The following CNBD1 variants were observed in gnomAD, a reference collection of about 807,000 sequenced individuals.
The protein encoded by CNBD1 is cyclic nucleotide binding domain containing 1.
A neutral mutation model predicts 54.4 loss-of-function variants in CNBD1; 71 were observed. The ratio of observed to expected loss-of-function variants is 1.30; its 90% CI spans 1.08 to 1.59. CNBD1 has a LOEUF of 1.59. CNBD1 is among the 40% of genes most tolerant of loss of function. The pLI is 0.00. For missense variants in CNBD1, 659 were observed against 518.0 expected, an observed-to-expected ratio of 1.27 and a Z score of -2.64; for synonymous variants, 182 against 170.7, an observed-to-expected ratio of 1.07 and a Z score of -0.51.
At chr8:87,273,770 GT>G (rs955402386) in intron 6 of CNBD1, among the ~76,000 whole-genome samples, 11 of 151,348 alleles carry the variant, frequency 7.3e-5, no homozygotes, top group South Asian at 4.2e-4. Flanking sequence ...TGACAAATAA[GT>G]TTTTTTTTAA....
intron 10 of CNBD1, among the ~76,000 whole-genome samples, chr8:87,359,143 A>T (rs1810482044): frequency 6.6e-6 from 1 of 152,116 alleles, no homozygotes; most frequent in South Asian, 2.1e-4. Context: ...ACTTAATAGA[A>T]TCTCCTTTGT....
At chr8:87,099,059 AAC>A (rs1811376635) in intron 4 of CNBD1, among the ~76,000 whole-genome samples, 1 of 147,368 alleles carries the variant, frequency 6.8e-6, no homozygotes, top group Non-Finnish European at 1.5e-5. Context: ...AAAAAAAAAA[AAC>A]AAAACTCCAA....
chr8:87,346,910 A>G (rs551992482), intron 8 of CNBD1, among the ~76,000 whole-genome samples: 1 of 152,174 alleles, frequency 6.6e-6, no homozygotes, highest in South Asian at 2.1e-4. Flanking sequence ...CCCCAATATC[A>G]TGAGTGAGAA....
chr8:87,322,691 A>C (rs1809564636), intron 8 of CNBD1, among the ~76,000 whole-genome samples: 1 of 69,696 alleles, frequency 1.4e-5, no homozygotes, highest in Admixed American at 1.4e-4. Flanking sequence ...TTCATTGTAG[A>C]TTCTGGATAT....
intron 1 of CNBD1, among the ~76,000 whole-genome samples, chr8:86,872,989 G>C (rs938932380): frequency 6.6e-6 from 1 of 152,058 alleles, no homozygotes; most frequent in Admixed American, 6.5e-5. Flanking sequence ...CAGGAGGATC[G>C]CTTGAGCCCA....
At chr8:87,076,183 T>C (rs1466934872) in intron 4 of CNBD1, among the ~76,000 whole-genome samples, 21 of 151,976 alleles carry the variant, frequency 1.4e-4, no homozygotes, top group Admixed American at 1.4e-3. Flanking sequence ...ACAGAGGAGG[T>C]TGAGTGACAA....
At chr8:87,377,256 C>A (rs1231933662) in intron 10 of CNBD1, among the ~76,000 whole-genome samples, 2 of 151,090 alleles carry the variant, frequency 1.3e-5, no homozygotes, top group Non-Finnish European at 2.9e-5. Flanking sequence ...CACCCACTAA[C>A]TCATCATCTA....
intron 4 of CNBD1, among the ~76,000 whole-genome samples, chr8:87,079,194 T>C (rs1206864177): frequency 6.6e-6 from 1 of 152,154 alleles, no homozygotes; most frequent in Non-Finnish European, 1.5e-5. Flanking sequence ...AATCTGTTAC[T>C]TTTTAATAAT....
chr8:87,414,073 A>T (rs1409204193), intron 2 of CNBD1, among the ~76,000 whole-genome samples: 1 of 152,186 alleles, frequency 6.6e-6, no homozygotes, highest in Non-Finnish European at 1.5e-5. Flanking sequence ...ACATGCACAC[A>T]TATGTTTATT....
intron 4 of CNBD1, among the ~76,000 whole-genome samples, chr8:87,071,764 C>A (rs1230218338): frequency 1.3e-5 from 2 of 151,786 alleles, no homozygotes; most frequent in Non-Finnish European, 2.9e-5. Flanking sequence ...TGTCATGTGG[C>A]GATAAGAAGA....
At chr8:87,291,842 A>G (rs4961022) in intron 8 of CNBD1, among the ~76,000 whole-genome samples, 149,459 of 152,254 alleles carry the variant, frequency 0.98, 73,372 homozygotes, top group East Asian at 1. Context: ...TTAAGGGTCA[A>G]TTTGTCCACT....
At chr8:86,934,575 G>A (rs1300933377) in intron 3 of CNBD1, among the ~76,000 whole-genome samples, 17 of 152,106 alleles carry the variant, frequency 1.1e-4, no homozygotes, top group Non-Finnish European at 7.4e-5. Flanking sequence ...CAGGGGCAAA[G>A]TTTTCAAAAT....
At chr8:87,317,168 T>G (rs1809405545) in intron 8 of CNBD1, among the ~76,000 whole-genome samples, 1 of 151,832 alleles carries the variant, frequency 6.6e-6, no homozygotes, top group South Asian at 2.1e-4. Flanking sequence ...TTTCATTAAT[T>G]TTCTCCATTG....
Position 87,321,736 on chromosome 8 carries a change from T to C in CNBD1, c.1043-29949T>C, listed in dbSNP as rs2130900218. On this transcript the variant is annotated intron_variant, in intron 8 of 10. Coordinates refer to ENST00000518476, the MANE Select transcript of CNBD1 (RefSeq NM_173538.3). The stretch of plus-strand genomic sequence containing the variant: ...TATTTTTGCTTTTTTGTGCCTGTGC[T>C]TTTGGTGTCGTATCCAAGAAATCAT... Among the ~76,000 whole-genome samples the C allele has an allele frequency of 1.3e-5, 2 of 152,236 alleles. 1 individual carries two copies. The highest frequency in any genetic ancestry group is 3.9e-4 in the East Asian group (2 of 5,184).
intron 10 of CNBD1, among the ~76,000 whole-genome samples, chr8:87,365,878 C>T (rs943469455): frequency 2.6e-5 from 4 of 151,980 alleles, no homozygotes; most frequent in Non-Finnish European, 5.9e-5. Context: ...TAATGTCTCC[C>T]ACATTCTTTA....
At chr8:86,884,250 A>G (rs186195228) in intron 1 of CNBD1, among the ~76,000 whole-genome samples, 1 of 152,148 alleles carries the variant, frequency 6.6e-6, no homozygotes, top group African/African-American at 2.4e-5. Flanking sequence ...CTTCTCAGGT[A>G]ATACAGTTCT....
chr8:87,363,191 T>C (rs1471374242), intron 10 of CNBD1, among the ~76,000 whole-genome samples: 1 of 152,186 alleles, frequency 6.6e-6, no homozygotes, highest in Non-Finnish European at 1.5e-5. Flanking sequence ...ACTCATCCTT[T>C]TTTTATGGCC....
intron 4 of CNBD1, among the ~76,000 whole-genome samples, chr8:87,065,823 A>G (rs1339361266): frequency 6.6e-6 from 1 of 151,960 alleles, no homozygotes; most frequent in Non-Finnish European, 1.5e-5. Context: ...ACACACACCT[A>G]TAAATAGGAG....
At chr8:86,907,682 C>A (rs1255748421) in intron 3 of CNBD1, among the ~76,000 whole-genome samples, 2 of 149,914 alleles carry the variant, frequency 1.3e-5, no homozygotes, top group Non-Finnish European at 1.5e-5. Flanking sequence ...AAAACAAAAA[C>A]AAAAAAACAA....
Sources: gnomAD v4.1 joint callset for allele counts (sites outside exome capture counted in the v4.1 genomes callset) on GRCh38, gnomAD v4.1.1 for gene constraint, MANE v1.5 for transcripts, NCBI Gene and HGNC (gene_info 2026-07-23, HGNC 2026-07-21) for gene names.